PILRB: variants seen among roughly 807,000 people sequenced by gnomAD.
PILRB encodes the protein paired immunoglobulin-like type 2 receptor beta.
Under a neutral mutation model 20.5 loss-of-function variants are expected in PILRB, and 21 were observed. The ratio of observed to expected loss-of-function variants is 1.02; its 90% CI spans 0.72 to 1.47. The LOEUF (loss-of-function observed/expected upper bound fraction) is 1.47. PILRB is among the 40% of genes most tolerant of loss of function. PILRB has a pLI of 0.00. For missense variants in PILRB, 253 were observed against 272.1 expected (o/e 0.93, Z 0.49); for synonymous variants, 133 against 115.1 (o/e 1.16, Z -0.99).
intron 3 of PILRB, among the ~76,000 whole-genome samples, chr7:100,359,948 G>A (rs1220064462): frequency 4.6e-5 from 7 of 152,168 alleles, no homozygotes; most frequent in Admixed American, 1.3e-4. Flanking sequence ...GCTTGAACCC[G>A]GGAGGCAGAG....
intron 3 of PILRB, among the ~76,000 whole-genome samples, chr7:100,360,383 A>C (rs2130101040): frequency 6.6e-6 from 1 of 152,196 alleles, no homozygotes; most frequent in South Asian, 2.1e-4. Flanking sequence ...AGAGAGAGGT[A>C]ATCAGGGAGG....
intron 1 of PILRB, 60 bp downstream of exon 1, chr7:100,358,426 A>G (rs1790426106): frequency 5.1e-6 from 8 of 1,583,706 alleles, no homozygotes; most frequent in Middle Eastern, 1.7e-4. Flanking sequence ...GGGCCAACCC[A>G]AGACAAAGGC....
chr7:100,362,028 G>C (rs1357012289), intron 3 of PILRB, among the ~76,000 whole-genome samples: 1 of 152,160 alleles, frequency 6.6e-6, no homozygotes, highest in Non-Finnish European at 1.5e-5. Flanking sequence ...CAGATCAGGA[G>C]ATCACAGAAG....
In PILRB at chr7:100,358,254, G is replaced by C. The variant is rs765662407; in HGVS notation, c.-49G>C. 1 of 1,608,688 alleles carries C rather than the reference G, an allele frequency of 6.2e-7. No individual in the cohort carries two copies. Among genetic ancestry groups the C allele is most frequent in the Admixed American group, 1.7e-5 (1 of 59,992 alleles). ...AGCCCCTCCACAGGGCCCCTCTCCTGCCTGGACAGCTCTGCTGGTCTCCCC... is the reference window on the plus strand; with the variant it reads ...AGCCCCTCCACAGGGCCCCTCTCCTCCCTGGACAGCTCTGCTGGTCTCCCC... On this transcript the variant is annotated 5_prime_UTR_variant, in exon 1 of 4. Transcript: ENST00000609309.
In PILRB at chr7:100,358,169, C is replaced by T; in HGVS notation, c.-134C>T. ...GTACTGGTTTGGGGAAGGTCCCCGG[C>T]CCCCACAGCCCTCTGGGGAGCCTCA... On this transcript the variant is annotated 5_prime_UTR_variant, in exon 1 of 4. Transcript: ENST00000609309. 1.0e-6 allele frequency: 1 copy of T among 973,438 alleles called. No homozygotes were observed. Among genetic ancestry groups the T allele is most frequent in the Non-Finnish European group, 1.6e-6 (1 of 627,124 alleles). 60.3% of individuals were successfully genotyped at this position (973,438 alleles called of 1,614,324 possible).
chr7:100,361,334 A>G (rs1299203536), intron 3 of PILRB, among the ~76,000 whole-genome samples: 2 of 152,218 alleles, frequency 1.3e-5, no homozygotes, highest in African/African-American at 4.8e-5. Flanking sequence ...AAGAGAGGAC[A>G]AGGCTCCAGG....
Position 100,358,692 on chromosome 7 carries a change from G to A in PILRB, c.67G>A (p.Gly23Ser). ...LQPPAFLQPG[G>S]STGSGPSYLY... ...CACTCACTCCCTCCTTCCTCTAGGT[G>A]GCTCCACAGGATCTGGTCCAAGCTA... Residue 23 changes from glycine to serine, a missense_variant and splice_region_variant, in exon 2 of 4, where the codon GGC (glycine) becomes AGC (serine). Transcript: ENST00000609309. The A allele has an allele frequency of 6.2e-7, 1 of 1,613,292 alleles. No individual in the cohort carries two copies. The highest frequency in any genetic ancestry group is 8.5e-7 in the Non-Finnish European group (1 of 1,179,372).
intron 3 of PILRB, among the ~76,000 whole-genome samples, chr7:100,361,045 C>T (rs988452128): frequency 6.6e-6 from 1 of 152,192 alleles, no homozygotes; most frequent in Non-Finnish European, 1.5e-5. Context: ...AAGCCATTCT[C>T]CTGCCTCAGC....
intron 3 of PILRB, among the ~76,000 whole-genome samples, chr7:100,366,249 C>T (rs548064022): frequency 2.0e-5 from 3 of 152,270 alleles, no homozygotes; most frequent in Admixed American, 6.5e-5. Flanking sequence ...CCACCGCACC[C>T]ACCTTAGGTG....
intron 3 of PILRB, among the ~76,000 whole-genome samples, chr7:100,360,862 T>C (rs1472177376): frequency 6.6e-6 from 1 of 152,222 alleles, no homozygotes; most frequent in African/African-American, 2.4e-5. Flanking sequence ...CCAACTACAG[T>C]AGACAATAGA....
Position 100,358,327 on chromosome 7 carries a change from C to G in PILRB, c.25C>G (p.Leu9Val). The change falls in exon 1 of 4, where the codon CTG (leucine) becomes GTG (valine). Residue 9 changes from leucine (L) to valine (V), a missense_variant. Transcript: ENST00000609309. ...CATGGGTCGGCCCCTGCTGCTGCCCCTGCTGCTCCTGCTGCAGCCGCCAGC... is the reference window on the plus strand; with the variant it reads ...CATGGGTCGGCCCCTGCTGCTGCCCGTGCTGCTCCTGCTGCAGCCGCCAGC... MGRPLLLP[L>V]LLLLQPPAFL... The G allele has an allele frequency of 6.2e-7, 1 of 1,612,898 alleles. No homozygotes were observed. Among genetic ancestry groups the G allele is most frequent in the Non-Finnish European group, 8.5e-7 (1 of 1,180,002 alleles).
chr7:100,359,336 G>C lies in PILRB; in HGVS notation c.455-1G>C. On this transcript the variant is annotated splice_acceptor_variant, in intron 2 of 3. Transcript: ENST00000609309. LOFTEE classifies it high-confidence loss of function. ...GTCTGCTCATTCCTCATCTCTTCCA[G>C]CTGTCACAACCACCACCACCTGGAG... 1.2e-6 allele frequency: 2 copies of C among 1,614,000 alleles called. No homozygotes were observed. Among genetic ancestry groups the C allele is most frequent in the Non-Finnish European group, 1.7e-6 (2 of 1,179,986 alleles).
intron 3 of PILRB, among the ~76,000 whole-genome samples, chr7:100,361,933 A>T (rs1026736788): frequency 6.6e-6 from 1 of 152,180 alleles, no homozygotes; most frequent in Non-Finnish European, 1.5e-5. Flanking sequence ...CCCAGGAGCC[A>T]TATATTAAAA....
chr7:100,365,674 G>C (rs1790660596), intron 3 of PILRB, among the ~76,000 whole-genome samples: 1 of 152,000 alleles, frequency 6.6e-6, no homozygotes, highest in Non-Finnish European at 1.5e-5. Flanking sequence ...CAAAAAATAA[G>C]CTGGTGTGGC....
chr7:100,360,823 C>T (rs568839040), intron 3 of PILRB, among the ~76,000 whole-genome samples: 1 of 152,324 alleles, frequency 6.6e-6, no homozygotes, highest in African/African-American at 2.4e-5. Context: ...CCCGTTTCCA[C>T]TTGGGTGCAT....
chr7:100,359,430 A>T lies in PILRB; in HGVS notation c.548A>T (p.His183Leu). The change falls in exon 3 of 4, where the codon CAC becomes CTC. Residue 183 changes from histidine (H) to leucine (L), a missense_variant. Transcript: ENST00000609309. ...TESKGHSESW[H>L]LSLDTAIRVA... The stretch of plus-strand genomic sequence containing the variant: ...AGCAAAGGGCACTCAGAATCATGGC[A>T]CCTAAGTCTGGACACTGCCATCAGG... 1 of 1,614,074 alleles carries T rather than the reference A, an allele frequency of 6.2e-7. No individual in the cohort carries two copies. The highest frequency in any genetic ancestry group is 2.2e-5 in the East Asian group (1 of 44,868).
chr7:100,362,482 G>GA (rs1584199636), intron 3 of PILRB, among the ~76,000 whole-genome samples: 2 of 151,326 alleles, frequency 1.3e-5, no homozygotes, highest in African/African-American at 4.8e-5. Flanking sequence ...AACTGATACA[G>GA]AAAAAACATT....
chr7:100,361,564 A>C (rs1408264815), intron 3 of PILRB, among the ~76,000 whole-genome samples: 1 of 152,158 alleles, frequency 6.6e-6, no homozygotes, highest in East Asian at 1.9e-4. Context: ...ATGGTGGCCG[A>C]CACCTGTAGT....
At chr7:100,367,119 C>T (rs1790715038) in intron 3 of PILRB, among the ~76,000 whole-genome samples, 1 of 152,096 alleles carries the variant, frequency 6.6e-6, no homozygotes, top group South Asian at 2.1e-4. Context: ...AGCCACAACC[C>T]CAGCCAGCTG....
Sources: gnomAD v4.1 joint callset for allele counts (sites outside exome capture counted in the v4.1 genomes callset) on GRCh38, gnomAD v4.1.1 for gene constraint, MANE v1.5 for transcripts, NCBI Gene and HGNC (gene_info 2026-07-23, HGNC 2026-07-21) for gene names.